NAALADL2: variants seen among roughly 807,000 people sequenced by gnomAD.
NAALADL2 encodes the protein N-acetylated alpha-linked acidic dipeptidase like 2.
NAALADL2 carries 76 observed loss-of-function variants against 87.2 expected under a neutral mutation model. That is an observed-to-expected ratio of 0.87 (90% CI 0.72 to 1.05). NAALADL2 has a LOEUF of 1.05. Ranked by LOEUF, NAALADL2 falls within the 50% of genes least tolerant of loss-of-function variation. NAALADL2 has a pLI of 0.00. For missense variants in NAALADL2, 1,089 were observed against 945.8 expected (o/e 1.15, Z -1.99); for synonymous variants, 354 against 331.0 (o/e 1.07, Z -0.75).
intron 11 of NAALADL2, among the ~76,000 whole-genome samples, chr3:175,727,865 A>T (rs1054793322): frequency 6.6e-6 from 1 of 152,120 alleles, no homozygotes; most frequent in Admixed American, 6.5e-5. Context: ...GAGGAGCATT[A>T]TTCAGGTGTT....
At chr3:174,723,755 CAAAAAAAAAAAAAAAA>C (rs10663395) in intron 2 of NAALADL2, among the ~76,000 whole-genome samples, 1 of 27,562 alleles carries the variant, frequency 3.6e-5, no homozygotes, top group Admixed American at 7.9e-4. Flanking sequence ...GACTCCGTCT[CAAAAAAAAAAAAAAAA>C]AAAAAAAAAA....
chr3:174,764,429 G>T (rs1233966237), intron 3 of NAALADL2, among the ~76,000 whole-genome samples: 7 of 152,158 alleles, frequency 4.6e-5, no homozygotes, highest in Non-Finnish European at 8.8e-5. Context: ...GGCCAATATG[G>T]TGAAACCCTG....
chr3:175,502,850 A>C, intron 9 of NAALADL2, among the ~76,000 whole-genome samples: 1 of 152,036 alleles, frequency 6.6e-6, no homozygotes. Context: ...AATCTCACCC[A>C]TACAGAAGTT....
chr3:174,919,525 C>A (rs1334673636), intron 1 of NAALADL2, among the ~76,000 whole-genome samples: 1 of 152,104 alleles, frequency 6.6e-6, no homozygotes, highest in Non-Finnish European at 1.5e-5. Context: ...GCAATTCAGT[C>A]ATCTCTTCAG....
intron 2 of NAALADL2, among the ~76,000 whole-genome samples, chr3:174,634,597 C>T (rs1722452159): frequency 6.6e-6 from 1 of 152,062 alleles, no homozygotes; most frequent in Non-Finnish European, 1.5e-5. Context: ...GACAGATCCC[C>T]ATCATGACCT....
At chr3:174,538,103 G>C (rs1432769336) in intron 1 of NAALADL2, among the ~76,000 whole-genome samples, 2 of 152,110 alleles carry the variant, frequency 1.3e-5, no homozygotes, top group Non-Finnish European at 2.9e-5. Flanking sequence ...CTCCCTCAGA[G>C]GTTGACTATT....
intron 9 of NAALADL2, among the ~76,000 whole-genome samples, chr3:175,552,775 C>G (rs4417872): frequency 0.65 from 99,026 of 151,882 alleles, 33,290 homozygotes; most frequent in East Asian, 0.87. Flanking sequence ...TGCATTATAA[C>G]ATTTTTCACA....
chr3:175,729,653 G>C (rs1288975084), intron 11 of NAALADL2, among the ~76,000 whole-genome samples: 2 of 151,950 alleles, frequency 1.3e-5, no homozygotes, highest in Non-Finnish European at 2.9e-5. Context: ...CTATAAATTT[G>C]TTCTGACCAT....
At chr3:175,046,342 C>T (rs1463785593) in intron 1 of NAALADL2, among the ~76,000 whole-genome samples, 1 of 152,084 alleles carries the variant, frequency 6.6e-6, no homozygotes, top group African/African-American at 2.4e-5. Context: ...TTTTGACTAT[C>T]AGGGATTTAT....
chr3:174,492,817 T>C (rs891719548), intron 1 of NAALADL2, among the ~76,000 whole-genome samples: 1 of 152,200 alleles, frequency 6.6e-6, no homozygotes, highest in African/African-American at 2.4e-5. Flanking sequence ...AGGGAGTCAG[T>C]CTGACCACTT....
At chr3:175,194,458 G>A (rs1337802571) in intron 2 of NAALADL2, among the ~76,000 whole-genome samples, 2 of 151,846 alleles carry the variant, frequency 1.3e-5, no homozygotes, top group African/African-American at 2.4e-5. Flanking sequence ...ATTTAGCAAT[G>A]TGAAAATTAC....
At chr3:175,466,001 A>G (rs1167537620) in intron 7 of NAALADL2, among the ~76,000 whole-genome samples, 1 of 152,174 alleles carries the variant, frequency 6.6e-6, no homozygotes, top group African/African-American at 2.4e-5. Context: ...GAGATGTACT[A>G]TTTGTTTTCC....
At chr3:175,522,158 C>T (rs1283008091) in intron 9 of NAALADL2, among the ~76,000 whole-genome samples, 2 of 152,124 alleles carry the variant, frequency 1.3e-5, no homozygotes, top group African/African-American at 2.4e-5. Flanking sequence ...AGATAAACAT[C>T]TCTAAGTCTT....
Position 174,807,942 on chromosome 3 carries a change from C to A in NAALADL2, c.-9+70196C>A, listed in dbSNP as rs1515618. Among the ~76,000 whole-genome samples the A allele has an allele frequency of 1.3e-5, 2 of 150,928 alleles. 1 individual carries two copies. Among genetic ancestry groups the A allele is most frequent in the South Asian group, 4.2e-4 (2 of 4,804 alleles). On this transcript the variant is annotated intron_variant, in intron 3 of 3. Coordinates refer to the NAALADL2 transcript ENST00000434257. ...TAGAATGTGTCTCTAATATAAAGCC[C>A]AAATTAAGTTACTATGTGGTATCCC...
intron 1 of NAALADL2, among the ~76,000 whole-genome samples, chr3:175,061,835 A>G (rs773963455): frequency 2.0e-5 from 3 of 151,312 alleles, no homozygotes; most frequent in South Asian, 2.1e-4. Context: ...AGCCATTCTA[A>G]GTTGTACTAA....
chr3:175,639,373 T>C (rs1728986802), intron 11 of NAALADL2, among the ~76,000 whole-genome samples: 1 of 139,236 alleles, frequency 7.2e-6, no homozygotes, highest in Non-Finnish European at 1.5e-5. Flanking sequence ...CAGGCTGGAG[T>C]GCAGTGGTGC....
chr3:174,543,124 G>A (rs1047810057), intron 1 of NAALADL2, among the ~76,000 whole-genome samples: 5 of 152,176 alleles, frequency 3.3e-5, no homozygotes, highest in African/African-American at 4.8e-5. Flanking sequence ...ATTTGTCCTG[G>A]AAAGTTATTA....
intron 1 of NAALADL2, among the ~76,000 whole-genome samples, chr3:174,990,995 AT>A (rs1746658630): frequency 1.3e-5 from 2 of 152,188 alleles, no homozygotes; most frequent in Non-Finnish European, 2.9e-5. Context: ...GTGAATAAAA[AT>A]ATAAGCATTT....
chr3:174,957,884 A>G (rs934909636), intron 1 of NAALADL2, among the ~76,000 whole-genome samples: 1 of 151,956 alleles, frequency 6.6e-6, no homozygotes, highest in African/African-American at 2.4e-5. Context: ...ATTTTTGTCT[A>G]ATTAATTCCT....
Sources: allele counts gnomAD v4.1 joint callset (sites outside exome capture counted in the v4.1 genomes callset), GRCh38; gene constraint gnomAD v4.1.1; transcripts MANE v1.5; gene names NCBI Gene and HGNC (gene_info 2026-07-23, HGNC 2026-07-21).